EYS: variants seen among roughly 807,000 people sequenced by gnomAD.
EYS encodes EGF-like photoreceptor maintenance factor.
EYS carries 250 observed loss-of-function variants against 282.1 expected under a neutral mutation model. That is an observed-to-expected ratio of 0.89 (90% CI 0.80 to 0.98). The LOEUF (loss-of-function observed/expected upper bound fraction) is 0.98. EYS is among the 50% of genes least tolerant of loss of function. The probability of loss-of-function intolerance (pLI) is 0.00; values close to 1 mark genes in which losing one functional copy is unlikely to be tolerated. For synonymous variants in EYS, 1,355 were observed against 1,282.9 expected, an observed-to-expected ratio of 1.06 and a Z score of -1.20; for missense variants, 4,016 against 3,709.0, an observed-to-expected ratio of 1.08 and a Z score of -2.15.
At chr6:64,709,114 TG>T in intron 22 of EYS, among the ~76,000 whole-genome samples, 1 of 152,198 alleles carries the variant, frequency 6.6e-6, no homozygotes, top group South Asian at 2.1e-4. Flanking sequence ...TTAAAAAGTC[TG>T]GAAAAATGAT....
At chr6:65,011,364 C>A (rs973548421) in intron 13 of EYS, among the ~76,000 whole-genome samples, 2 of 152,142 alleles carry the variant, frequency 1.3e-5, no homozygotes, top group Non-Finnish European at 2.9e-5. Context: ...GTATCTTTAA[C>A]CTCCTTGTTA....
At chr6:65,477,242 A>T (rs1344048194) in intron 5 of EYS, among the ~76,000 whole-genome samples, 1 of 152,198 alleles carries the variant, frequency 6.6e-6, no homozygotes, top group Non-Finnish European at 1.5e-5. Context: ...TATCTGAAAA[A>T]TAAGCTTATG....
chr6:64,863,338 C>A, intron 19 of EYS, among the ~76,000 whole-genome samples: 1 of 152,186 alleles, frequency 6.6e-6, no homozygotes, highest in East Asian at 1.9e-4. Flanking sequence ...CCACTAGTTT[C>A]TTTACATTTT....
At chr6:64,051,276 T>A (rs1312323859) in intron 33 of EYS, among the ~76,000 whole-genome samples, 1 of 152,072 alleles carries the variant, frequency 6.6e-6, no homozygotes, top group Non-Finnish European at 1.5e-5. Flanking sequence ...TTGCATAGAG[T>A]TTATATTTCA....
At chr6:65,630,834 G>A (rs1479395790) in intron 2 of EYS, among the ~76,000 whole-genome samples, 1 of 152,132 alleles carries the variant, frequency 6.6e-6, no homozygotes, top group South Asian at 2.1e-4. Context: ...AAATTATTGA[G>A]AAAAGCTGTA....
rs574209788 is a variant in EYS at position 64,407,963 on chromosome 6, C to T, written c.5928-19123G>A. Among the ~76,000 whole-genome samples the T allele has an allele frequency of 5.9e-5, 9 of 152,200 alleles. No individual in the cohort carries two copies. In the East Asian group the frequency reaches 1.2e-3, roughly 20 times the overall value. On this transcript the variant is annotated intron_variant, in intron 28 of 42. Transcript: ENST00000503581. ...GGCCAGGCTGGTCTCAAACTCCTGA[C>T]CTCAGGTGATTGACCCGCCTCTTCA...
chr6:64,452,196 C>T (rs1775376255), intron 26 of EYS, among the ~76,000 whole-genome samples: 1 of 152,108 alleles, frequency 6.6e-6, no homozygotes, highest in Admixed American at 6.5e-5. Flanking sequence ...AAATCACAAG[C>T]ATTCTTATAC....
At position 65,597,414 on chromosome 6, in the gene EYS, C is replaced by T. The variant is rs143263245; in HGVS notation, c.-333+42364G>A. Reference sequence around the variant, plus strand: ...GTAAGCTACAAGAAAGCAGGAACCACCTTTAGCCACTCCCAGTGTACTCCC... The same window carrying T: ...GTAAGCTACAAGAAAGCAGGAACCATCTTTAGCCACTCCCAGTGTACTCCC... On this transcript the variant is annotated intron_variant, in intron 2 of 42. Coordinates refer to ENST00000503581, the MANE Select transcript of EYS (RefSeq NM_001142800.2). Among the ~76,000 whole-genome samples the T allele has an allele frequency of 6.0e-3, 906 of 152,148 alleles. 7 individuals are homozygous for T. Among genetic ancestry groups the T allele is most frequent in the African/African-American group, 0.019 (784 of 41,522 alleles).
At chr6:65,536,074 T>A (rs1582427105) in intron 2 of EYS, among the ~76,000 whole-genome samples, 1 of 152,130 alleles carries the variant, frequency 6.6e-6, no homozygotes, top group African/African-American at 2.4e-5. Context: ...TTACTTCAGA[T>A]ACATTTAATT....
intron 31 of EYS, among the ~76,000 whole-genome samples, chr6:64,217,696 CA>C (rs1200389494): frequency 8.0e-4 from 122 of 152,156 alleles, no homozygotes; most frequent in African/African-American, 2.8e-3. Context: ...TTCCAAACTG[CA>C]AACAATGGGT....
chr6:65,139,124 A>G (rs754513041), intron 12 of EYS, among the ~76,000 whole-genome samples: 2 of 152,112 alleles, frequency 1.3e-5, no homozygotes, highest in Non-Finnish European at 2.9e-5. Context: ...ATAAAGACTC[A>G]TGCACACATA....
intron 11 of EYS, among the ~76,000 whole-genome samples, chr6:65,328,774 GA>G (rs571891189): frequency 6.6e-5 from 10 of 150,874 alleles, no homozygotes; most frequent in African/African-American, 1.7e-4. Context: ...TGTTTTTAAT[GA>G]AAAAAATTCT....
At chr6:65,630,761 T>C (rs1298453777) in intron 2 of EYS, among the ~76,000 whole-genome samples, 1 of 152,206 alleles carries the variant, frequency 6.6e-6, no homozygotes, top group East Asian at 1.9e-4. Flanking sequence ...ACTTTTTATA[T>C]TTCTATAGTA....
chr6:65,442,966 A>G (rs1039518310), intron 5 of EYS, among the ~76,000 whole-genome samples: 7 of 151,712 alleles, frequency 4.6e-5, no homozygotes, highest in Admixed American at 1.3e-4. Context: ...ACATATGTAC[A>G]TATATGTATA....
chr6:65,499,766 A>C (rs1482229025), intron 2 of EYS, among the ~76,000 whole-genome samples: 3 of 151,902 alleles, frequency 2.0e-5, no homozygotes, highest in African/African-American at 7.2e-5. Flanking sequence ...TAGAAAAGGG[A>C]AAAAAATGGT....
At chr6:64,920,407 C>A (rs1008032267) in intron 15 of EYS, among the ~76,000 whole-genome samples, 3 of 152,018 alleles carry the variant, frequency 2.0e-5, no homozygotes, top group Non-Finnish European at 2.9e-5. Flanking sequence ...TCTTTAATTT[C>A]TTCTATTTTA....
At chr6:64,063,233 C>A (rs1371885119) in intron 33 of EYS, among the ~76,000 whole-genome samples, 2 of 152,156 alleles carry the variant, frequency 1.3e-5, no homozygotes, top group African/African-American at 4.8e-5. Context: ...CCAACCAGAT[C>A]CCTTCTCTGA....
intron 31 of EYS, among the ~76,000 whole-genome samples, chr6:64,210,169 G>T (rs1285538171): frequency 1.3e-5 from 2 of 152,160 alleles, no homozygotes; most frequent in African/African-American, 4.8e-5. Flanking sequence ...TTAAAAGACA[G>T]CTTCATATCA....
chr6:64,708,363 T>A (rs777967827), intron 22 of EYS, among the ~76,000 whole-genome samples: 1 of 152,248 alleles, frequency 6.6e-6, no homozygotes, highest in Non-Finnish European at 1.5e-5. Flanking sequence ...CTTGTTTACC[T>A]CTCTTATTAA....
Sources: gnomAD v4.1 joint callset for allele counts (sites outside exome capture counted in the v4.1 genomes callset) on GRCh38, gnomAD v4.1.1 for gene constraint, MANE v1.5 for transcripts, NCBI Gene and HGNC (gene_info 2026-07-23, HGNC 2026-07-21) for gene names.